Variants in LTBP2 observed in about 807,000 individuals in gnomAD.
LTBP2 encodes latent-transforming growth factor beta-binding protein 2.
A neutral mutation model predicts 210.6 loss-of-function variants in LTBP2; 103 were observed. The ratio of observed to expected loss-of-function variants is 0.49; its 90% CI spans 0.42 to 0.58. The LOEUF (loss-of-function observed/expected upper bound fraction) is 0.58, where lower values mean the gene tolerates loss of function less well. LTBP2 is among the 20% of genes least tolerant of loss of function. The pLI is 0.00. For synonymous variants in LTBP2, 1,007 were observed against 1,015.0 expected (o/e 0.99, Z 0.15); for missense variants, 2,313 against 2,494.5 (o/e 0.93, Z 1.55).
chr14:74,534,889 G>A (rs1236221950), intron 9 of LTBP2, among the ~76,000 whole-genome samples: 3 of 152,036 alleles, frequency 2.0e-5, no homozygotes, highest in Non-Finnish European at 4.4e-5. Context: ...TGAATCTTGG[G>A]GCTCAGTAGA....
At chr14:74,562,265 G>A (rs981395333) in intron 3 of LTBP2, among the ~76,000 whole-genome samples, 1 of 152,022 alleles carries the variant, frequency 6.6e-6, no homozygotes, top group Admixed American at 6.6e-5. Flanking sequence ...AGTGCATGGA[G>A]GTGGGAAGCA....
In LTBP2 at chr14:74,506,854, T is replaced by TGGGG. The variant is rs745305630; in HGVS notation, c.3908-32_3908-31insCCCC. 1.5e-3 allele frequency: 1,465 copies of TGGGG among 982,678 alleles called. 26 individuals are homozygous for TGGGG. In the African/African-American group the frequency reaches 0.028, roughly 19 times the overall value. 60.9% of individuals were successfully genotyped at this position (982,678 alleles called of 1,614,324 possible). On this transcript the variant is annotated intron_variant, in intron 26 of 35. Transcript: ENST00000261978. ...GGACAGTGGGAACCAGGATAGAGGA[T>TGGGG]GTGTGTGTGTGTGTGTGTGTGTGTG...
At chr14:74,504,956 G>A (rs1212251301) in intron 29 of LTBP2, 27 bp downstream of exon 29, 25 of 1,274,682 alleles carry the variant, frequency 2.0e-5, no homozygotes, top group Non-Finnish European at 2.3e-5. Flanking sequence ...CTGACCCTTC[G>A]AGGATCTGGA....
At chr14:74,520,925 C>T (rs1008821638) in intron 17 of LTBP2, among the ~76,000 whole-genome samples, 1 of 152,238 alleles carries the variant, frequency 6.6e-6, no homozygotes, top group Non-Finnish European at 1.5e-5. Context: ...TGTCACCATT[C>T]ACACCTCACT....
chr14:74,533,806 G>T (rs190797657), intron 9 of LTBP2, among the ~76,000 whole-genome samples: 1 of 152,364 alleles, frequency 6.6e-6, no homozygotes, highest in African/African-American at 2.4e-5. Context: ...CCAAGGGGAA[G>T]TCTCAGCCCT....
At chr14:74,513,141 C>A (rs1198030565) in intron 18 of LTBP2, among the ~76,000 whole-genome samples, 1 of 152,220 alleles carries the variant, frequency 6.6e-6, no homozygotes, top group African/African-American at 2.4e-5. Flanking sequence ...GAGCAAAGGG[C>A]CCTGAAGTCT....
intron 2 of LTBP2, among the ~76,000 whole-genome samples, chr14:74,602,021 G>A (rs1185301436): frequency 6.6e-6 from 1 of 152,202 alleles, no homozygotes; most frequent in East Asian, 1.9e-4. Context: ...AGGGGCCTGT[G>A]GGAGGAAGGA....
Position 74,586,093 on chromosome 14 carries a change from G to A in LTBP2, c.591C>T (p.Asn197=), listed in dbSNP as rs1298010448. 1 of 1,600,234 alleles carries A rather than the reference G, an allele frequency of 6.2e-7. No individual in the cohort carries two copies. The highest frequency in any genetic ancestry group is 1.7e-5 in the Admixed American group (1 of 57,960). ...GCTGCGGGCGGCTGCAGGAGCCCCG[G>A]TTCTGGCACGGCGGCTCGCAAACGG... ...IKPVCEPPCQ[N]RGSCSRPQLC... Residue 197 remains asparagine (N), a synonymous_variant, in exon 3 of 36, where the codon AAC becomes AAT. Coordinates refer to ENST00000261978, the MANE Select transcript of LTBP2 (RefSeq NM_000428.3). The surrounding 1 kb of genome is among the most constrained non-coding windows in gnomAD (Gnocchi z 4.6).
chr14:74,595,023 C>G (rs1268129333), intron 2 of LTBP2, among the ~76,000 whole-genome samples: 1 of 152,242 alleles, frequency 6.6e-6, no homozygotes, highest in Non-Finnish European at 1.5e-5. Flanking sequence ...GCCAAGTGCC[C>G]AGCTCCAAAA....
In LTBP2 at chr14:74,502,670, T is replaced by TA; in HGVS notation, c.5152dup (p.Tyr1718LeufsTer27). On this transcript the variant is annotated frameshift_variant, in exon 34 of 36. Coordinates refer to ENST00000261978, the MANE Select transcript of LTBP2 (RefSeq NM_000428.3). LOFTEE classifies it high-confidence loss of function. ...ACACAGACCTGGATGGCTGGCCACG[T>TA]AGTGGGGCTGGAGTTCTGAGGGCTG... 1 of 1,614,116 alleles carries TA rather than the reference T, an allele frequency of 6.2e-7. No homozygotes were observed. Among genetic ancestry groups the TA allele is most frequent in the South Asian group, 1.1e-5 (1 of 91,088 alleles).
intron 3 of LTBP2, among the ~76,000 whole-genome samples, chr14:74,582,731 G>A (rs1260635769): frequency 6.6e-6 from 1 of 152,170 alleles, no homozygotes; most frequent in Middle Eastern, 3.2e-3. Context: ...AATATGGTCC[G>A]TGGCCCAGTA....
At position 74,505,125 on chromosome 14, in the gene LTBP2, G is replaced by A. The variant is rs746101273; in HGVS notation, c.4227C>T (p.Thr1409=). ...TCTGCCCGGAGTAGCAGTCCATGCG[G>A]GTGGGGGCCGGGGCATGGTCCCCCG... ...APTGDHAPAP[T]RMDCYSGQKG... Residue 1409 remains threonine, a synonymous_variant, in exon 29 of 36, where the codon ACC becomes ACT. Transcript: ENST00000261978. 5.0e-6 allele frequency: 8 copies of A among 1,613,846 alleles called. No individual in the cohort carries two copies. In the Admixed American group the frequency reaches 1.3e-4, roughly 27 times the overall value.
At chr14:74,596,323 G>A (rs940978975) in intron 2 of LTBP2, among the ~76,000 whole-genome samples, 2 of 152,130 alleles carry the variant, frequency 1.3e-5, no homozygotes, top group Admixed American at 6.5e-5. Context: ...GGAGACAGTC[G>A]AGGGCCCAAG....
chr14:74,571,836 G>C (rs1250013318), intron 3 of LTBP2, among the ~76,000 whole-genome samples: 1 of 152,326 alleles, frequency 6.6e-6, no homozygotes, highest in Admixed American at 6.5e-5. Context: ...AAGCAGAAAT[G>C]TGGTAGCTCC....
At chr14:74,552,024 AG>A (rs902789423) in intron 6 of LTBP2, among the ~76,000 whole-genome samples, 162 bp downstream of exon 6, 13 of 151,654 alleles carry the variant, frequency 8.6e-5, no homozygotes, top group African/African-American at 3.2e-4. Context: ...TGAGAAGTTG[AG>A]GGAATGAAAC....
At chr14:74,520,784 G>A (rs1360335634) in intron 17 of LTBP2, among the ~76,000 whole-genome samples, 2 of 148,412 alleles carry the variant, frequency 1.3e-5, no homozygotes, top group African/African-American at 2.5e-5. Flanking sequence ...CTGGGTGACA[G>A]AGCGAGACTC....
chr14:74,508,345 T>C (rs1220149353), intron 24 of LTBP2, among the ~76,000 whole-genome samples: 1 of 152,086 alleles, frequency 6.6e-6, no homozygotes, highest in African/African-American at 2.4e-5. Flanking sequence ...AGTGGGTGCA[T>C]GCCTGCTGTC....
At chr14:74,517,473 C>T (rs1193200973) in intron 17 of LTBP2, among the ~76,000 whole-genome samples, 4 of 152,118 alleles carry the variant, frequency 2.6e-5, no homozygotes, top group Non-Finnish European at 2.9e-5. Context: ...CTGGCTCAAG[C>T]GATTCTCCTG....
chr14:74,596,217 GCTGTTT>G (rs1312545155), intron 2 of LTBP2, among the ~76,000 whole-genome samples: 1 of 117,274 alleles, frequency 8.5e-6, no homozygotes, highest in Admixed American at 9.0e-5. Flanking sequence ...AGAGCCAGAT[GCTGTTT>G]CAAAAATAAA....
Sources: gnomAD v4.1 joint callset for allele counts (sites outside exome capture counted in the v4.1 genomes callset) on GRCh38, gnomAD v4.1.1 for gene constraint, Gnocchi (gnomAD v3.1) non-coding constraint, MANE v1.5 for transcripts, NCBI Gene and HGNC (gene_info 2026-07-23, HGNC 2026-07-21) for gene names.